The following EXD3 variants were observed in gnomAD, a reference collection of about 807,000 sequenced individuals.
EXD3 encodes exonuclease mut-7 homolog.
In EXD3, 92 loss-of-function variants were observed where a neutral mutation model predicts 98.0. The ratio of observed to expected loss-of-function variants is 0.94; its 90% CI spans 0.79 to 1.12. The LOEUF is 1.12. EXD3 is among the 50% of genes most tolerant of loss of function. The probability of loss-of-function intolerance (pLI) is 0.00; values close to 1 mark genes in which losing one functional copy is unlikely to be tolerated. For missense variants in EXD3, 1,222 were observed against 1,191.6 expected (o/e 1.03, Z -0.38); for synonymous variants, 569 against 526.0 (o/e 1.08, Z -1.12).
chr9:137,373,548 C>G lies in EXD3; in HGVS notation c.172G>C (p.Gly58Arg), dbSNP rs571185171. ...GFAALDDPLA[G>R]LLDMLESCRG... Reference sequence around the variant, plus strand: ...CAGCTCTCCAGCATGTCCAGAAGCCCGGCCAGGGGGTCGTCCAAGGCAGCA... The same window carrying G: ...CAGCTCTCCAGCATGTCCAGAAGCCGGGCCAGGGGGTCGTCCAAGGCAGCA... The change falls in exon 4 of 22, where the codon GGG becomes CGG. Residue 58 changes from glycine to arginine, a missense_variant. Gly to Arg is a moderately radical substitution (Grantham distance 125). Coordinates refer to ENST00000340951, the MANE Select transcript of EXD3 (RefSeq NM_017820.5). 9.4e-6 allele frequency: 15 copies of G among 1,603,344 alleles called. 1 individual carries two copies. The South Asian group carries it at 1.6e-4, about 17-fold the overall frequency.
At position 137,348,136 on chromosome 9, in the gene EXD3, G is replaced by A; in HGVS notation, c.1933C>T (p.Leu645Phe). The change falls in exon 17 of 22, where the codon CTC (leucine) becomes TTC (phenylalanine). Residue 645 changes from leucine to phenylalanine, a missense_variant. Physicochemically the swap from Leu to Phe is conservative, Grantham distance 22 (BLOSUM62 0). Transcript: ENST00000340951. ...DNMLQGLARS[L>F]RCLGVDARML... The stretch of plus-strand genomic sequence containing the variant: ...CGTGCATCCACACCGAGACAGCGGA[G>A]GCTCCGTGCCAGCCCCTGCAGCATG... The A allele has an allele frequency of 6.2e-7, 1 of 1,612,300 alleles. No individual in the cohort carries two copies. Among genetic ancestry groups the A allele is most frequent in the East Asian group, 2.2e-5 (1 of 44,860 alleles).
intron 19 of EXD3, among the ~76,000 whole-genome samples, chr9:137,310,180 G>T (rs1263906827): frequency 2.6e-5 from 4 of 152,242 alleles, no homozygotes; most frequent in Non-Finnish European, 5.9e-5. Flanking sequence ...CCTGAAAGTG[G>T]CGAGGGGGCT....
rs1832267337 is a variant in EXD3, at chr9:137,324,319, T to G, written c.1999-176A>C. Among the ~76,000 whole-genome samples the G allele has an allele frequency of 6.6e-6, 1 of 152,200 alleles. No individual in the cohort carries two copies. The highest frequency in any genetic ancestry group is 3.2e-3 in the Middle Eastern group (1 of 316). ...TGGTGAGGAGCCCTCTGCCGGGTCCTGGGTGTCGCCTCATTGTATAGATTT... is the reference window on the plus strand; with the variant it reads ...TGGTGAGGAGCCCTCTGCCGGGTCCGGGGTGTCGCCTCATTGTATAGATTT... On this transcript the variant is annotated intron_variant, in intron 17 of 21. Transcript: ENST00000340951. The surrounding 1 kb of genome is among the most constrained non-coding windows in gnomAD (Gnocchi z 4.1).
intron 10 of EXD3, 186 bp downstream of exon 10, chr9:137,354,153 C>T (rs28482269): frequency 4.9e-6 from 7 of 1,431,834 alleles, no homozygotes; most frequent in African/African-American, 1.4e-5. Flanking sequence ...GGCTCCCGCT[C>T]AGGCCTCCCG....
intron 17 of EXD3, among the ~76,000 whole-genome samples, chr9:137,327,058 A>G (rs1180814896): frequency 6.6e-6 from 1 of 152,094 alleles, no homozygotes; most frequent in Non-Finnish European, 1.5e-5. Flanking sequence ...GGACAGGTCA[A>G]TTCATAGAGG....
intron 1 of EXD3, among the ~76,000 whole-genome samples, chr9:137,409,820 C>A (rs533393120): frequency 1.3e-5 from 2 of 152,204 alleles, no homozygotes; most frequent in African/African-American, 4.8e-5. Flanking sequence ...CCAGGACAAG[C>A]GGGGCTCCCC....
At chr9:137,398,545 TCCCCAAGACACACAGGCAACCGC>T in intron 1 of EXD3, among the ~76,000 whole-genome samples, 1 of 150,386 alleles carries the variant, frequency 6.6e-6, no homozygotes, top group African/African-American at 2.5e-5. Context: ...GGCAACCGCG[TCCCCAAGACACACAGGCAACCGC>T]GTCCCCAAGA....
intron 17 of EXD3, chr9:137,345,987 A>C (rs1218542042): frequency 6.6e-6 from 1 of 152,080 alleles, no homozygotes; most frequent in East Asian, 1.9e-4. Flanking sequence ...CTAGGAGATA[A>C]AAACCAGGGA....
chr9:137,398,858 CA>C, intron 1 of EXD3, among the ~76,000 whole-genome samples: 1 of 147,832 alleles, frequency 6.8e-6, no homozygotes, highest in African/African-American at 2.5e-5. Context: ...CCAAGACACA[CA>C]GGCACCCGCG....
rs551546450 is a variant in EXD3, at chr9:137,353,711, C to T, written c.870+628G>A. ...CAGCACAAGCGAGGGTCTCCCTCCC[C>T]GCAAGGTCCTGGAGTCCATGGGTCC... On this transcript the variant is annotated intron_variant, in intron 10 of 21. Coordinates refer to ENST00000340951, the MANE Select transcript of EXD3 (RefSeq NM_017820.5). 1.6e-4 allele frequency: 161 copies of T among 985,558 alleles called. No homozygotes were observed. The East Asian group carries it at 3.7e-3, about 23-fold the overall frequency. The allele number at this position is 985,558 out of a possible 1,614,324, so 61.1% of individuals were successfully genotyped here.
chr9:137,308,302 C>G (rs1488825487), intron 20 of EXD3, among the ~76,000 whole-genome samples: 3 of 152,182 alleles, frequency 2.0e-5, no homozygotes, highest in African/African-American at 7.2e-5. Flanking sequence ...TCCAGATCAG[C>G]TGCGGCCGGG....
intron 1 of EXD3, among the ~76,000 whole-genome samples, chr9:137,421,668 C>A (rs368398224): frequency 1.1e-4 from 17 of 152,098 alleles, no homozygotes; most frequent in East Asian, 9.6e-4. Flanking sequence ...AAGACCTAGT[C>A]TCTACCAAAA....
intron 19 of EXD3, among the ~76,000 whole-genome samples, chr9:137,310,660 T>C (rs972861402): frequency 1.3e-5 from 2 of 152,134 alleles, no homozygotes; most frequent in African/African-American, 4.8e-5. Context: ...GCCTTCCCAG[T>C]GGTCACTTCC....
chr9:137,307,345 G>T lies in EXD3; in HGVS notation c.2318-82C>A. 4 of 1,435,428 alleles carry T rather than the reference G, an allele frequency of 2.8e-6. No homozygotes were observed. The South Asian group carries it at 5.9e-5, about 21-fold the overall frequency. 88.9% of individuals were successfully genotyped at this position (1,435,428 alleles called of 1,614,324 possible). A position where few individuals can be genotyped will look rare whatever the true frequency, so the allele number is the denominator to read the frequency against. On this transcript the variant is annotated intron_variant, in intron 21 of 21. Transcript: ENST00000340951. ...CTGCTCCCAGAGTGGTGCAGTTGGC[G>T]GCCCACGCTGAGCCCACGCTCACTC...
At chr9:137,322,720 C>T (rs111352668) in intron 19 of EXD3, among the ~76,000 whole-genome samples, 7 of 65,054 alleles carry the variant, frequency 1.1e-4, no homozygotes, top group African/African-American at 1.4e-4. Flanking sequence ...TGCCGACACC[C>T]CACCCCAGAC....
At chr9:137,345,671 A>AAAG (rs1554807526) in intron 17 of EXD3, 1 of 151,040 alleles carries the variant, frequency 6.6e-6, no homozygotes, top group African/African-American at 2.5e-5. Flanking sequence ...CAAAAAAAAA[A>AAAG]AAAAGGAAAG....
rs1303030216 is a variant in EXD3 at position 137,385,129 on chromosome 9, C to T, written c.56-1752G>A. Among the ~76,000 whole-genome samples the T allele has an allele frequency of 6.6e-6, 1 of 152,198 alleles. No homozygotes were observed. The highest frequency in any genetic ancestry group is 2.4e-5 in the African/African-American group (1 of 41,464). On this transcript the variant is annotated intron_variant, in intron 2 of 21. Coordinates refer to ENST00000340951, the MANE Select transcript of EXD3 (RefSeq NM_017820.5). The surrounding 1 kb of genome is among the most constrained non-coding windows in gnomAD (Gnocchi z 4.4). ...AAAAACCATAAAACACCGTGGGGCG[C>T]CCAGGCTCCACCATGGCGTCTCTGC...
Position 137,394,019 on chromosome 9 carries a change from G to A in EXD3, c.55+1284C>T, listed in dbSNP as rs552232101. 1.4e-4 allele frequency among the ~76,000 whole-genome samples: 21 copies of A among 152,322 alleles called. No homozygotes were observed. The East Asian group carries it at 3.9e-3, about 28-fold the overall frequency. On this transcript the variant is annotated intron_variant, in intron 2 of 21. Coordinates refer to ENST00000340951, the MANE Select transcript of EXD3 (RefSeq NM_017820.5). ...TCCCACTGGGGCCGAGCCCCTGCCA[G>A]GAGGCTTCCCGCCCCAGCCCGTCCC...
intron 17 of EXD3, among the ~76,000 whole-genome samples, chr9:137,343,863 C>G (rs1833780754): frequency 7.2e-6 from 1 of 139,452 alleles, no homozygotes; most frequent in Admixed American, 7.6e-5. Flanking sequence ...GCTGGGATTA[C>G]AGGTATGAGC....
Sources: allele counts gnomAD v4.1 joint callset (sites outside exome capture counted in the v4.1 genomes callset), GRCh38; gene constraint gnomAD v4.1.1; non-coding constraint Gnocchi (gnomAD v3.1); transcripts MANE v1.5; gene names NCBI Gene and HGNC (gene_info 2026-07-23, HGNC 2026-07-21).